The following STK11 variants were observed in gnomAD, a reference collection of about 807,000 sequenced individuals.
The protein encoded by STK11 is serine/threonine kinase 11, also known as serine/threonine-protein kinase STK11.
A neutral mutation model predicts 47.3 loss-of-function variants in STK11; 8 were observed. That is an observed-to-expected ratio of 0.17 (90% CI 0.10 to 0.31). The LOEUF (loss-of-function observed/expected upper bound fraction) is 0.31, where lower values mean the gene tolerates loss of function less well. STK11 is among the 10% of genes least tolerant of loss of function. STK11 has a pLI of 1.00. For missense variants in STK11, 475 were observed against 605.0 expected (o/e 0.79, Z 2.25); for synonymous variants, 330 against 255.8 (o/e 1.29, Z -2.77).
chr19:1,208,238 G>C (rs1181552575), intron 1 of STK11, among the ~76,000 whole-genome samples: 5 of 152,078 alleles, frequency 3.3e-5, no homozygotes, highest in African/African-American at 1.2e-4. Flanking sequence ...TCCTGCTCAG[G>C]GGCCCTGGGG....
chr19:1,218,349 A>C (rs1280987149), intron 1 of STK11, 68 bp from the exon 2 acceptor site: 8 of 1,329,740 alleles, frequency 6.0e-6, no homozygotes, highest in Non-Finnish European at 8.7e-6. Context: ...GGGGAGGCCG[A>C]CTCCAGGGAT....
At position 1,222,076 on chromosome 19, in the gene STK11, G is replaced by T. The variant is rs181732930; in HGVS notation, c.920+70G>T. The T allele has an allele frequency of 1.6e-4, 247 of 1,522,638 alleles. No individual in the cohort carries two copies. The African/African-American group carries it at 3.1e-3, about 19-fold the overall frequency. 94.3% of individuals were successfully genotyped at this position (1,522,638 alleles called of 1,614,324 possible). A position where few individuals can be genotyped will look rare whatever the true frequency, so the allele number is the denominator to read the frequency against. ...CGGCCATGTGGGCAGCTGGTTGAGC[G>T]GGCGCTAGAGCAGGGCGTGGTGGGG... On this transcript the variant is annotated intron_variant, in intron 7 of 9. Coordinates refer to ENST00000326873, the MANE Select transcript of STK11 (RefSeq NM_000455.5).
In STK11 at chr19:1,226,562, C is replaced by T. The variant is rs748202003; in HGVS notation, c.1217C>T (p.Ala406Val). Residue 406 changes from alanine (A) to valine (V), a missense_variant, in exon 9 of 10, where the codon GCG becomes GTG. Physicochemically the swap from Ala to Val is moderately conservative, Grantham distance 64 (BLOSUM62 0). Coordinates refer to ENST00000326873, the MANE Select transcript of STK11 (RefSeq NM_000455.5). ...EAAQLSTKSR[A>V]EGRAPNPARK... ...GCGCAGCTGAGCACCAAATCCAGGG[C>T]GGAGGGCCGGGCCCCCAACCCTGCC... is the stretch of plus-strand genomic sequence containing the variant. 1.8e-5 allele frequency: 28 copies of T among 1,592,834 alleles called. No individual in the cohort carries two copies. Among genetic ancestry groups the T allele is most frequent in the South Asian group, 1.0e-4 (9 of 88,012 alleles).
At chr19:1,218,944 G>T (rs1469625073) in intron 2 of STK11, among the ~76,000 whole-genome samples, 1 of 152,066 alleles carries the variant, frequency 6.6e-6, no homozygotes, top group African/African-American at 2.4e-5. Context: ...AGAGCCAGAA[G>T]TGGTCCTGAG....
At chr19:1,214,770 G>T (rs79468271) in intron 1 of STK11, among the ~76,000 whole-genome samples, 40 of 152,298 alleles carry the variant, frequency 2.6e-4, no homozygotes, top group African/African-American at 9.1e-4. Flanking sequence ...GGGCCAGAGC[G>T]GTGCTGGACC....
In STK11 at chr19:1,210,002, G is replaced by C. The variant is rs58242302; in HGVS notation, c.290+2799G>C. On this transcript the variant is annotated intron_variant, in intron 1 of 9. Transcript: ENST00000326873. The stretch of plus-strand genomic sequence containing the variant: ...GCGTCCAATTTCATCCTGGCCCTGA[G>C]TGTGTAACGGCTTTGCCCTTGCGGG... 2.0e-3 allele frequency among the ~76,000 whole-genome samples: 299 copies of C among 152,312 alleles called. 1 individual carries two copies. The highest frequency in any genetic ancestry group is 6.8e-3 in the African/African-American group (282 of 41,568).
chr19:1,222,110 C>T, intron 7 of STK11, 104 bp downstream of exon 7: 1 of 1,379,688 alleles, frequency 7.2e-7, no homozygotes, highest in Non-Finnish European at 1.0e-6. Context: ...GGGTGCCAGG[C>T]TGGGCTGGGG....
intron 8 of STK11, 33 bp downstream of exon 8, chr19:1,223,205 C>T (rs1466130985): frequency 1.9e-6 from 3 of 1,590,886 alleles, no homozygotes; most frequent in South Asian, 2.3e-5. Flanking sequence ...CCCGGCTCTG[C>T]TGACTCGGCC....
At chr19:1,217,052 A>G (rs2080749529) in intron 1 of STK11, among the ~76,000 whole-genome samples, 1 of 151,306 alleles carries the variant, frequency 6.6e-6, no homozygotes, top group South Asian at 2.1e-4. Context: ...TGCTGTGAGC[A>G]TCTCGTGCTC....
At chr19:1,223,978 G>A in intron 8 of STK11, 2 of 1,009,470 alleles carry the variant, frequency 2.0e-6, no homozygotes, top group African/African-American at 3.4e-5. Context: ...CTGAGAAGGG[G>A]GGTACGCCAG....
At position 1,224,770 on chromosome 19, in the gene STK11, T is replaced by C. The variant is rs527295061; in HGVS notation, c.1108+1598T>C. 1.0e-4 allele frequency: 100 copies of C among 985,238 alleles called. No homozygotes were observed. The South Asian group carries it at 3.1e-3, about 31-fold the overall frequency. The allele number at this position is 985,238 out of a possible 1,614,324, so 61.0% of individuals were successfully genotyped here. Reference sequence around the variant, plus strand: ...GCCCACTGTGGGTGGTGAGGAGGAGTACCCAGCAGGGGGAAGGGCCGCCAG... The same window carrying C: ...GCCCACTGTGGGTGGTGAGGAGGAGCACCCAGCAGGGGGAAGGGCCGCCAG... On this transcript the variant is annotated intron_variant, in intron 8 of 9. Transcript: ENST00000326873.
intron 9 of STK11, 176 bp downstream of exon 9, chr19:1,226,839 C>T (rs1053493702): frequency 3.9e-6 from 3 of 769,976 alleles, no homozygotes; most frequent in Admixed American, 3.4e-5. Context: ...GGTGCCGTCT[C>T]GGGGCCTGGT....
intron 1 of STK11, among the ~76,000 whole-genome samples, chr19:1,209,420 T>C (rs1010070780): frequency 2.0e-5 from 3 of 151,816 alleles, no homozygotes; most frequent in Non-Finnish European, 2.9e-5. Context: ...CCATCTCTAC[T>C]AAAAATACAA....
chr19:1,207,263 GTCTT>G, intron 1 of STK11, 60 bp downstream of exon 1: 1 of 1,531,906 alleles, frequency 6.5e-7, no homozygotes, highest in Non-Finnish European at 8.8e-7. Context: ...TGATGGTTCT[GTCTT>G]CCTTCCTTCT....
rs760910801 is a variant in STK11, at chr19:1,207,267, T to TA, written c.290+64_290+65insA. 55 of 1,520,852 alleles carry TA rather than the reference T, an allele frequency of 3.6e-5. No homozygotes were observed. The East Asian group carries it at 4.9e-4, about 13-fold the overall frequency. The allele number at this position is 1,520,852 out of a possible 1,614,324, so 94.2% of individuals were successfully genotyped here. ...AGTCACGGTGCTGATGGTTCTGTCT[T>TA]CCTTCCTTCTCTCCTCCCTCCCTCC... On this transcript the variant is annotated intron_variant, in intron 1 of 9. Coordinates refer to ENST00000326873, the MANE Select transcript of STK11 (RefSeq NM_000455.5).
rs533014251 is a variant in STK11 at position 1,222,140 on chromosome 19, C to G, written c.920+134C>G. 2.5e-5 allele frequency: 27 copies of G among 1,098,058 alleles called. 1 individual carries two copies. In the Admixed American group the frequency reaches 5.2e-4, roughly 21 times the overall value. 68.0% of individuals were successfully genotyped at this position (1,098,058 alleles called of 1,614,324 possible). A position where few individuals can be genotyped will look rare whatever the true frequency, so the allele number is the denominator to read the frequency against. On this transcript the variant is annotated intron_variant, in intron 7 of 9. Transcript: ENST00000326873. Reference sequence around the variant, plus strand: ...CTGGGGCCAGACCCCGTGCAGCGCCCGCAGTTCTCGGGGCCCGAGTGGGGT... The same window carrying G: ...CTGGGGCCAGACCCCGTGCAGCGCCGGCAGTTCTCGGGGCCCGAGTGGGGT...
At chr19:1,214,854 C>G (rs1350734539) in intron 1 of STK11, among the ~76,000 whole-genome samples, 1 of 152,210 alleles carries the variant, frequency 6.6e-6, no homozygotes, top group African/African-American at 2.4e-5. Context: ...CTGCCGGTAG[C>G]CGGCTCCTGC....
chr19:1,222,963 C>T (rs2145430507), intron 7 of STK11, 22 bp from the exon 8 acceptor site: 1 of 1,527,956 alleles, frequency 6.5e-7, no homozygotes, highest in Non-Finnish European at 8.8e-7. Flanking sequence ...TGACAGGCGC[C>T]ACTGCTTCTG....
At chr19:1,225,682 T>C in intron 8 of STK11, 3 of 985,556 alleles carry the variant, frequency 3.0e-6, no homozygotes, top group Non-Finnish European at 2.4e-6. Context: ...GGCTCTGCAC[T>C]GGGCACATGA....
Sources: allele counts gnomAD v4.1 joint callset (sites outside exome capture counted in the v4.1 genomes callset), GRCh38; gene constraint gnomAD v4.1.1; transcripts MANE v1.5; gene names NCBI Gene and HGNC (gene_info 2026-07-23, HGNC 2026-07-21).